TBCD: variants seen among roughly 807,000 people sequenced by gnomAD.
TBCD encodes the protein tubulin folding cofactor D.
A neutral mutation model predicts 169.3 loss-of-function variants in TBCD; 105 were observed. The observed-to-expected ratio is 0.62, with a 90% CI of 0.53 to 0.73. The LOEUF is 0.73. Among genes scored for constraint, TBCD ranks in the 30% least tolerant of loss-of-function variants. The probability of loss-of-function intolerance (pLI) is 0.00; values close to 1 mark genes in which losing one functional copy is unlikely to be tolerated. For synonymous variants in TBCD, 700 were observed against 643.9 expected (o/e 1.09, Z -1.32); for missense variants, 1,444 against 1,600.1 (o/e 0.90, Z 1.66).
Position 82,903,814 on chromosome 17 carries a change from C to A in TBCD, c.1804+336C>A. Among the ~76,000 whole-genome samples, 1 of 118,364 alleles carries A rather than the reference C, an allele frequency of 8.4e-6. No homozygotes were observed. Among genetic ancestry groups the A allele is most frequent in the East Asian group, 2.8e-4 (1 of 3,592 alleles). 77.7% of individuals were successfully genotyped at this position (118,364 alleles called of 152,430 possible). The stretch of plus-strand genomic sequence containing the variant: ...CTCCCTGGTCTCTAGGTGGCTCGCA[C>A]CTGCCACACGACACTCCCTGGTCTC... On this transcript the variant is annotated intron_variant, in intron 19 of 38. Transcript: ENST00000355528. The surrounding 1 kb of genome is among the most constrained non-coding windows in gnomAD (Gnocchi z 4.8).
At chr17:82,935,062 T>TC (rs2062506439) in intron 34 of TBCD, among the ~76,000 whole-genome samples, 1 of 112,178 alleles carries the variant, frequency 8.9e-6, no homozygotes, top group East Asian at 3.4e-4. Flanking sequence ...AGACTCTGTT[T>TC]CAAAAAAAAA....
In TBCD at chr17:82,781,846, G is replaced by C. The variant is rs572550940; in HGVS notation, c.771+125G>C. ...GGAACCCCGTGGGATTGATTTAACC[G>C]GGCCAGGGTCTTGGGCAGTTTCCTT... On this transcript the variant is annotated intron_variant, in intron 7 of 38. Coordinates refer to ENST00000355528, the MANE Select transcript of TBCD (RefSeq NM_005993.5). The C allele has an allele frequency of 5.5e-6, 8 of 1,446,128 alleles. No homozygotes were observed. In the East Asian group the frequency reaches 1.6e-4, roughly 29 times the overall value. The allele number at this position is 1,446,128 out of a possible 1,614,324, so 89.6% of individuals were successfully genotyped here.
chr17:82,855,255 T>A, intron 13 of TBCD, among the ~76,000 whole-genome samples: 1 of 130,154 alleles, frequency 7.7e-6, no homozygotes, highest in African/African-American at 3.4e-5. Context: ...TTTTTTTTTT[T>A]TTTTTTTTTT....
chr17:82,939,105 A>C lies in TBCD; in HGVS notation c.3370-262A>C, dbSNP rs896005115. On this transcript the variant is annotated intron_variant, in intron 36 of 38. Transcript: ENST00000355528. ...TGGTGAGGGAGCAGGTTGGTTAATA[A>C]AGCATTTAAACAAGAATGATGTCAT... 9.9e-6 allele frequency: 5 copies of C among 503,554 alleles called. No individual in the cohort carries two copies. The African/African-American group carries it at 1.0e-4, about 10-fold the overall frequency. The allele number at this position is 503,554 out of a possible 1,614,324, so 31.2% of individuals were successfully genotyped here. A position where few individuals can be genotyped will look rare whatever the true frequency, so the allele number is the denominator to read the frequency against.
rs1395216646 is a variant in TBCD at position 82,889,899 on chromosome 17, TACAC to T, written c.1563+208_1563+211del. Among the ~76,000 whole-genome samples the T allele has an allele frequency of 2.6e-5, 4 of 152,216 alleles. No homozygotes were observed. Among genetic ancestry groups the T allele is most frequent in the Admixed American group, 6.5e-5 (1 of 15,292 alleles). On this transcript the variant is annotated intron_variant, in intron 16 of 38. Coordinates refer to ENST00000355528, the MANE Select transcript of TBCD (RefSeq NM_005993.5). This position sits in a 1 kb window ranked among gnomAD's most constrained non-coding sequence, Gnocchi z 5.3. ...CAGGGAACCTGCATGTACAGTAATT[TACAC>T]ACACAGGCCGGAAAGCTGTGCTTTA...
chr17:82,764,347 TTA>T (rs2047918637), intron 3 of TBCD, among the ~76,000 whole-genome samples: 1 of 152,166 alleles, frequency 6.6e-6, no homozygotes, highest in South Asian at 2.1e-4. Flanking sequence ...GAAAAACTTC[TTA>T]CAAGGAGAAA....
At chr17:82,755,116 C>T (rs972908632) in intron 1 of TBCD, among the ~76,000 whole-genome samples, 2 of 152,058 alleles carry the variant, frequency 1.3e-5, no homozygotes, top group African/African-American at 2.4e-5. Context: ...GGTGGGAGGG[C>T]GTCCAGGGCA....
chr17:82,832,273 C>G lies in TBCD; in HGVS notation c.1318+17339C>G, dbSNP rs375467494. 8.1e-6 allele frequency: 13 copies of G among 1,614,068 alleles called. No individual in the cohort carries two copies. The highest frequency in any genetic ancestry group is 1.1e-5 in the Non-Finnish European group (13 of 1,180,048). ...GTTAGATTTAGGGCACTTGGGAACT[C>G]GATCCTGCTCTGATACTAAAGTAAT... On this transcript the variant is annotated intron_variant, in intron 13 of 38. Coordinates refer to ENST00000355528, the MANE Select transcript of TBCD (RefSeq NM_005993.5). The surrounding 1 kb of genome is among the most constrained non-coding windows in gnomAD (Gnocchi z 4.9).
intron 29 of TBCD, among the ~76,000 whole-genome samples, chr17:82,927,590 T>C (rs935928484): frequency 1.3e-5 from 2 of 152,196 alleles, no homozygotes; most frequent in African/African-American, 4.8e-5. Flanking sequence ...GCGTCTTCAA[T>C]GAAAGGCTGC....
chr17:82,868,971 C>T (rs895855356), intron 13 of TBCD, among the ~76,000 whole-genome samples: 12 of 149,276 alleles, frequency 8.0e-5, no homozygotes, highest in South Asian at 4.3e-4. Context: ...TGCAGAGCCC[C>T]GAACGAGACC....
intron 23 of TBCD, chr17:82,918,613 A>G (rs979213627): frequency 1.3e-5 from 2 of 152,186 alleles, no homozygotes; most frequent in African/African-American, 4.8e-5. Flanking sequence ...AGATGTGGGT[A>G]CAAGCCTTTT....
chr17:82,874,906 C>T lies in TBCD; in HGVS notation c.1475+4526C>T, dbSNP rs1285543918. Among the ~76,000 whole-genome samples, 6 of 152,186 alleles carry T rather than the reference C, an allele frequency of 3.9e-5. No individual in the cohort carries two copies. The highest frequency in any genetic ancestry group is 7.2e-5 in the African/African-American group (3 of 41,438). On this transcript the variant is annotated intron_variant, in intron 14 of 38. Coordinates refer to ENST00000355528, the MANE Select transcript of TBCD (RefSeq NM_005993.5). The surrounding 1 kb of genome is among the most constrained non-coding windows in gnomAD (Gnocchi z 5.0). ...ATTTCTCTAACTTTCACAAGTTCTT[C>T]GGTGGGTCCTGTAACAGTGGGTGCT... is the stretch of plus-strand genomic sequence containing the variant.
rs113206731 is a variant in TBCD at position 82,776,280 on chromosome 17, C to T, written c.638+3773C>T. ...GAAATCTTGGCGTGGCGTGGTGGCACGCACCTGTGGTCCCAGCTATTCCGA... is the reference window on the plus strand; with the variant it reads ...GAAATCTTGGCGTGGCGTGGTGGCATGCACCTGTGGTCCCAGCTATTCCGA... On this transcript the variant is annotated intron_variant, in intron 6 of 38. Coordinates refer to ENST00000355528, the MANE Select transcript of TBCD (RefSeq NM_005993.5). Among the ~76,000 whole-genome samples the T allele has an allele frequency of 9.0e-4, 136 of 151,884 alleles. 2 individuals are homozygous for T. The Middle Eastern group carries it at 0.01, about 11-fold the overall frequency.
intron 30 of TBCD, 113 bp from the exon 31 acceptor site, chr17:82,929,000 A>G: frequency 8.0e-6 from 11 of 1,370,314 alleles, no homozygotes; most frequent in Non-Finnish European, 1.1e-5. Flanking sequence ...AGGAGCCCGC[A>G]TGTCCTCGTG....
At chr17:82,803,639 G>T (rs1296864807) in intron 9 of TBCD, among the ~76,000 whole-genome samples, 1 of 152,202 alleles carries the variant, frequency 6.6e-6, no homozygotes, top group Non-Finnish European at 1.5e-5. Flanking sequence ...CCCACCTGCA[G>T]CTTCCCCTCG....
Position 82,884,128 on chromosome 17 carries a change from C to G in TBCD, c.1476-17C>G. ...TTGCAGAATTTCTTTTTAATTAATCCTTTCTCTTTTTCACAGTGCACTGGT... is the reference window on the plus strand; with the variant it reads ...TTGCAGAATTTCTTTTTAATTAATCGTTTCTCTTTTTCACAGTGCACTGGT... On this transcript the variant is annotated splice_polypyrimidine_tract_variant and intron_variant, in intron 14 of 38. Transcript: ENST00000355528. This position sits in a 1 kb window ranked among gnomAD's most constrained non-coding sequence, Gnocchi z 4.2. 2 of 1,598,566 alleles carry G rather than the reference C, an allele frequency of 1.3e-6. No individual in the cohort carries two copies. The highest frequency in any genetic ancestry group is 2.2e-5 in the East Asian group (1 of 44,472).
At chr17:82,839,588 G>A (rs563590473) in intron 13 of TBCD, among the ~76,000 whole-genome samples, 2 of 152,264 alleles carry the variant, frequency 1.3e-5, no homozygotes, top group African/African-American at 4.8e-5. Context: ...CTTACCTCTT[G>A]TTAGCATTTA....
intron 14 of TBCD, among the ~76,000 whole-genome samples, chr17:82,881,171 C>T (rs141649299): frequency 1.1e-4 from 17 of 152,280 alleles, no homozygotes; most frequent in African/African-American, 2.9e-4. Flanking sequence ...GTGGCCTGGA[C>T]GCTGGGGTCT....
Position 82,772,497 on chromosome 17 carries a change from C to T in TBCD, c.628C>T (p.Leu210Phe). 1 of 1,613,946 alleles carries T rather than the reference C, an allele frequency of 6.2e-7. No individual in the cohort carries two copies. The highest frequency in any genetic ancestry group is 8.5e-7 in the Non-Finnish European group (1 of 1,179,896). Reference sequence around the variant, plus strand: ...CAAGGCCCGAGATGCAGCTGCTGTCCTTGTGTCCAGGTAAGTTTCCATGGC... The same window carrying T: ...CAAGGCCCGAGATGCAGCTGCTGTCTTTGTGTCCAGGTAAGTTTCCATGGC... ...SDKARDAAAV[L>F]VSRFITRPDV... The change falls in exon 6 of 39, where the codon CTT becomes TTT. Residue 210 changes from leucine (L) to phenylalanine (F), a missense_variant. Leu to Phe is a conservative substitution (Grantham distance 22). Coordinates refer to ENST00000355528, the MANE Select transcript of TBCD (RefSeq NM_005993.5).
Sources: gnomAD v4.1 joint callset for allele counts (sites outside exome capture counted in the v4.1 genomes callset) on GRCh38, gnomAD v4.1.1 for gene constraint, Gnocchi (gnomAD v3.1) non-coding constraint, MANE v1.5 for transcripts, NCBI Gene and HGNC (gene_info 2026-07-23, HGNC 2026-07-21) for gene names.